Variants in GRIP2 observed in about 807,000 individuals in gnomAD.
The protein encoded by GRIP2 is glutamate receptor interacting protein 2.
Under a neutral mutation model 108.3 loss-of-function variants are expected in GRIP2, and 58 were observed. The observed-to-expected ratio is 0.54, with a 90% CI of 0.43 to 0.67. The LOEUF (loss-of-function observed/expected upper bound fraction) is 0.67. Among genes scored for constraint, GRIP2 ranks in the 30% least tolerant of loss-of-function variants. The pLI, the probability that GRIP2 is intolerant of heterozygous loss-of-function variation, is 0.00. For synonymous variants in GRIP2, 586 were observed against 598.2 expected, an observed-to-expected ratio of 0.98 and a Z score of 0.30; for missense variants, 1,278 against 1,430.6, an observed-to-expected ratio of 0.89 and a Z score of 1.72.
At chr3:14,573,402 G>A in the GRIP2 span, 2 of 1,326,256 alleles carry the variant, frequency 1.5e-6, no homozygotes, top group South Asian at 1.2e-5. Context: ...GAAGCAGATG[G>A]ACACCAGGTA....
chr3:14,546,985 C>T (rs1695067998), upstream of GRIP2, among the ~76,000 whole-genome samples: 1 of 152,180 alleles, frequency 6.6e-6, no homozygotes, highest in South Asian at 2.1e-4. Context: ...CACCCCCTAC[C>T]CAGGTCCCTA....
At position 14,517,138 on chromosome 3, in the gene GRIP2, C is replaced by T. The variant is rs751081618; in HGVS notation, c.1232G>A (p.Arg411His). 1.9e-5 allele frequency: 30 copies of T among 1,610,208 alleles called. No homozygotes were observed. The highest frequency in any genetic ancestry group is 2.3e-5 in the Non-Finnish European group (27 of 1,178,702). ...TCGAGGACTCATGGGCTGGGATCCACGGGGAAGGGTGCTGGGGTTGTTGCA... is the reference window on the plus strand; with the variant it reads ...TCGAGGACTCATGGGCTGGGATCCATGGGGAAGGGTGCTGGGGTTGTTGCA... ...FSCNNPSTLP[R>H]GSQPMSPRTT... Residue 411 changes from arginine (R) to histidine (H), a missense_variant, in exon 11 of 24, where the codon CGT becomes CAT. Coordinates refer to ENST00000621039, the MANE Select transcript of GRIP2 (RefSeq NM_001080423.4).
chr3:14,577,604 T>C, the GRIP2 span, among the ~76,000 whole-genome samples: 1 of 152,210 alleles, frequency 6.6e-6, no homozygotes, highest in African/African-American at 2.4e-5. Context: ...GCTCATTCAA[T>C]TGCTCAGGAC....
In GRIP2 at chr3:14,517,756, A is replaced by T; in HGVS notation, c.1156+16T>A. The T allele has an allele frequency of 8.7e-6, 14 of 1,609,952 alleles. No individual in the cohort carries two copies. Among genetic ancestry groups the T allele is most frequent in the Non-Finnish European group, 1.2e-5 (14 of 1,178,696 alleles). On this transcript the variant is annotated intron_variant, in intron 10 of 23. Transcript: ENST00000621039. ...GCTACAAGACTGGCTGAGCTACAGC[A>T]GGGCAGGCACATTACATCGGCTTTG...
upstream of GRIP2, among the ~76,000 whole-genome samples, chr3:14,546,221 C>T (rs184288137): frequency 6.6e-6 from 1 of 152,202 alleles, no homozygotes; most frequent in East Asian, 1.9e-4. Context: ...CCAGGTAGGC[C>T]GACCAAGCTT....
At chr3:14,574,004 C>A in the GRIP2 span, 2 of 1,266,016 alleles carry the variant, frequency 1.6e-6, no homozygotes, top group African/African-American at 1.5e-5. Context: ...ACTTGGCACC[C>A]AGGTGGATGA....
chr3:14,546,772 C>T (rs974836128), upstream of GRIP2, among the ~76,000 whole-genome samples: 2 of 152,168 alleles, frequency 1.3e-5, no homozygotes, highest in African/African-American at 4.8e-5. Context: ...TGACTCTCCT[C>T]AAAATGGCAA....
intron 21 of GRIP2, among the ~76,000 whole-genome samples, chr3:14,497,554 A>G (rs1035466558): frequency 2.0e-5 from 3 of 152,222 alleles, no homozygotes; most frequent in African/African-American, 4.8e-5. Flanking sequence ...GCTGGGGGCC[A>G]GTCCTGCGGC....
chr3:14,525,617 A>G, intron 2 of GRIP2, 45 bp from the exon 3 acceptor site: 1 of 1,607,326 alleles, frequency 6.2e-7, no homozygotes, highest in African/African-American at 1.3e-5. Context: ...AGCTGGGGCC[A>G]CCCCAGGCCC....
At position 14,506,919 on chromosome 3, in the gene GRIP2, TG is replaced by T. The variant is rs1375992676; in HGVS notation, c.2279del (p.Pro760GlnfsTer5). 6.2e-7 allele frequency: 1 copy of T among 1,607,280 alleles called. No individual in the cohort carries two copies. The highest frequency in any genetic ancestry group is 1.1e-5 in the South Asian group (1 of 89,520). ...GCAGGCCTCCTTTCAGGGCATCTGC[TG>T]GGTCCTCATCAGCATCACTGGTCTC... ...LSETSDADED[P>X]ADALKGGLPA... On this transcript the variant is annotated frameshift_variant, in exon 19 of 24. Coordinates refer to ENST00000621039, the MANE Select transcript of GRIP2 (RefSeq NM_001080423.4). LOFTEE classifies it high-confidence loss of function.
chr3:14,526,452 G>C (rs1232542697), intron 1 of GRIP2, among the ~76,000 whole-genome samples: 2 of 152,134 alleles, frequency 1.3e-5, no homozygotes, highest in Non-Finnish European at 2.9e-5. Context: ...ACTCAATCTT[G>C]GGTGGACCTG....
the GRIP2 span, among the ~76,000 whole-genome samples, chr3:14,570,905 CTTTTT>C: frequency 6.6e-6 from 1 of 152,128 alleles, no homozygotes; most frequent in African/African-American, 2.4e-5. Flanking sequence ...ACAGATGTAA[CTTTTT>C]TTAGGTCAGG....
Position 14,521,625 on chromosome 3 carries a change from T to C in GRIP2, c.712+17A>G. 1.9e-6 allele frequency: 3 copies of C among 1,591,670 alleles called. No individual in the cohort carries two copies. Among genetic ancestry groups the C allele is most frequent in the Non-Finnish European group, 2.6e-6 (3 of 1,167,046 alleles). On this transcript the variant is annotated intron_variant, in intron 7 of 23. Transcript: ENST00000621039. This position sits in a 1 kb window ranked among gnomAD's most constrained non-coding sequence, Gnocchi z 5.1. ...CCTCCTCCTGCCCCAACCCACACAC[T>C]CAGGCCCCCAACTCACCAGGGGTGG...
At chr3:14,510,774 G>A (rs1245674981) in intron 16 of GRIP2, among the ~76,000 whole-genome samples, 1 of 151,998 alleles carries the variant, frequency 6.6e-6, no homozygotes, top group African/African-American at 2.4e-5. Flanking sequence ...GCGTCAGTGG[G>A]GCCTGAGTCT....
Position 14,496,449 on chromosome 3 carries a change from G to GCTC in GRIP2, c.2788_2790dup (p.Glu930dup). 1 of 1,612,788 alleles carries GCTC rather than the reference G, an allele frequency of 6.2e-7. No homozygotes were observed. The highest frequency in any genetic ancestry group is 2.2e-5 in the East Asian group (1 of 44,854). On this transcript the variant is annotated inframe_insertion, in exon 22 of 24. Transcript: ENST00000621039. ...ATCTCCAAGGGTGTAGGCAGCAACA[G>GCTC]CTCCTCCATTTCTGCAGGAGAGGCT...
chr3:14,529,584 T>C (rs1186826336), intron 1 of GRIP2, among the ~76,000 whole-genome samples: 8 of 152,218 alleles, frequency 5.3e-5, no homozygotes, highest in Non-Finnish European at 1.2e-4. Context: ...CATTTATGGC[T>C]CTTGAAAGCT....
At chr3:14,534,726 C>G (rs1694792554) in intron 1 of GRIP2, among the ~76,000 whole-genome samples, 1 of 152,168 alleles carries the variant, frequency 6.6e-6, no homozygotes, top group Admixed American at 6.5e-5. Flanking sequence ...ACCTGTGCAC[C>G]TGGTACTCAG....
the GRIP2 span, among the ~76,000 whole-genome samples, chr3:14,568,744 G>C: frequency 6.6e-6 from 1 of 152,194 alleles, no homozygotes; most frequent in Non-Finnish European, 1.5e-5. Context: ...GTTGGGACAG[G>C]TGAGAGCGAG....
Position 14,505,548 on chromosome 3 carries a change from G to A in GRIP2, c.2573+67C>T, listed in dbSNP as rs2124865854. 2.0e-6 allele frequency: 3 copies of A among 1,523,138 alleles called. No individual in the cohort carries two copies. Among genetic ancestry groups the A allele is most frequent in the South Asian group, 2.5e-5 (2 of 81,276 alleles). 94.4% of individuals were successfully genotyped at this position (1,523,138 alleles called of 1,614,324 possible). On this transcript the variant is annotated intron_variant, in intron 20 of 23. Coordinates refer to ENST00000621039, the MANE Select transcript of GRIP2 (RefSeq NM_001080423.4). The surrounding 1 kb of genome is among the most constrained non-coding windows in gnomAD (Gnocchi z 4.2). ...CCATTCCCCCACCACTTTGGCACAG[G>A]CACCCTCGCCCACCCCAGCCAAGAC...
Sources: gnomAD v4.1 joint callset for allele counts (sites outside exome capture counted in the v4.1 genomes callset) on GRCh38, gnomAD v4.1.1 for gene constraint, Gnocchi (gnomAD v3.1) non-coding constraint, MANE v1.5 for transcripts, NCBI Gene and HGNC (gene_info 2026-07-23, HGNC 2026-07-21) for gene names.